The following EXOC3 variants were observed in gnomAD, a reference collection of about 807,000 sequenced individuals.
EXOC3 encodes the protein exocyst complex component 3.
In EXOC3, 21 loss-of-function variants were observed where a neutral mutation model predicts 73.7. The ratio of observed to expected loss-of-function variants is 0.29; its 90% CI spans 0.20 to 0.41. The LOEUF (loss-of-function observed/expected upper bound fraction) is 0.41, where lower values mean the gene tolerates loss of function less well. Ranked by LOEUF, EXOC3 falls within the 10% of genes least tolerant of loss-of-function variation. The probability of loss-of-function intolerance (pLI) is 1.00; values close to 1 mark genes in which losing one functional copy is unlikely to be tolerated. For synonymous variants in EXOC3, 410 were observed against 389.1 expected (o/e 1.05, Z -0.63); for missense variants, 842 against 985.1 (o/e 0.85, Z 1.95).
In EXOC3 at chr5:453,957, G is replaced by T. The variant is rs1215490796; in HGVS notation, c.952G>T (p.Ala318Ser). 1.1e-5 allele frequency: 18 copies of T among 1,614,002 alleles called. No homozygotes were observed. The highest frequency in any genetic ancestry group is 1.5e-5 in the Non-Finnish European group (18 of 1,179,884). ...GAACCTCCTGAACATGTACCACCAA[G>T]CCCTGAGCACGCGGATGCAGGACCT... ...FKNLLNMYHQ[A>S]LSTRMQDLAS... is the part of the protein sequence containing the mutation. The change falls in exon 4 of 13, where the codon GCC becomes TCC. Residue 318 changes from alanine to serine, a missense_variant. By Grantham distance (99) the Ala-to-Ser change is moderately conservative. Coordinates refer to ENST00000512944, the MANE Select transcript of EXOC3 (RefSeq NM_007277.5).
At chr5:465,392 G>A (rs1032013799) in intron 11 of EXOC3, 120 bp downstream of exon 11, 3 of 1,215,936 alleles carry the variant, frequency 2.5e-6, no homozygotes, top group African/African-American at 3.0e-5. Context: ...GGCGGGGGGA[G>A]CCTGGGTCCA....
chr5:462,338 C>T, intron 9 of EXOC3, 31 bp downstream of exon 9: 1 of 1,613,412 alleles, frequency 6.2e-7, no homozygotes, highest in Non-Finnish European at 8.5e-7. Context: ...CTGCCGTTTT[C>T]TGGGCCGAAG....
intron 7 of EXOC3, among the ~76,000 whole-genome samples, chr5:461,427 A>G (rs908373848): frequency 3.3e-5 from 5 of 152,194 alleles, no homozygotes; most frequent in African/African-American, 7.2e-5. Context: ...AGCCTGGCCA[A>G]TGTGGTGAAA....
At chr5:462,579 G>A (rs1027626181) in intron 9 of EXOC3, 2 of 452,006 alleles carry the variant, frequency 4.4e-6, no homozygotes, top group Non-Finnish European at 4.0e-6. Flanking sequence ...AATAGAAACC[G>A]ATATGTAGGG....
chr5:452,331 T>A (rs1010853595), intron 3 of EXOC3, among the ~76,000 whole-genome samples: 1 of 152,350 alleles, frequency 6.6e-6, no homozygotes, highest in South Asian at 2.1e-4. Context: ...CTTTAGTGAA[T>A]TTTTCATTTC....
chr5:450,873 A>G (rs141943303), intron 3 of EXOC3, among the ~76,000 whole-genome samples: 3,845 of 151,844 alleles, frequency 0.025, 98 homozygotes, highest in Admixed American at 0.055. Flanking sequence ...TTTATATGGA[A>G]TATCTTTTTC....
At chr5:446,081 C>A in intron 1 of EXOC3, 69 bp from the exon 2 acceptor site, 1 of 1,076,032 alleles carries the variant, frequency 9.3e-7, no homozygotes, top group Non-Finnish European at 1.4e-6. Context: ...TGTAGCTCCA[C>A]TGTGATCACC....
intron 6 of EXOC3, among the ~76,000 whole-genome samples, 178 bp from the exon 7 acceptor site, chr5:459,180 GT>G (rs35612609): frequency 0.56 from 81,707 of 147,040 alleles, 23,872 homozygotes; most frequent in African/African-American, 0.79. Flanking sequence ...TGAGAAAGTT[GT>G]TTTTTTTTTT....
At position 455,847 on chromosome 5, in the gene EXOC3, G is replaced by A. The variant is rs191415994; in HGVS notation, c.1047-1042G>A. On this transcript the variant is annotated intron_variant, in intron 4 of 12. Coordinates refer to ENST00000512944, the MANE Select transcript of EXOC3 (RefSeq NM_007277.5). The stretch of plus-strand genomic sequence containing the variant: ...TCTCAATCTCCTGACCTCATGATCC[G>A]CCCGTCTCGGCTTCCCAAAGTGCTG... Among the ~76,000 whole-genome samples, 75 of 152,098 alleles carry A rather than the reference G, an allele frequency of 4.9e-4. No individual in the cohort carries two copies. The East Asian group carries it at 0.012, about 24-fold the overall frequency.
intron 3 of EXOC3, among the ~76,000 whole-genome samples, chr5:450,859 A>AT (rs1737642221): frequency 1.3e-5 from 2 of 148,206 alleles, no homozygotes; most frequent in African/African-American, 5.0e-5. Flanking sequence ...TCTTTTGGTT[A>AT]TTATTTATAT....
At position 446,298 on chromosome 5, in the gene EXOC3, G is replaced by A. The variant is rs1219670716; in HGVS notation, c.93G>A (p.Gln31=). 2 of 1,613,766 alleles carry A rather than the reference G, an allele frequency of 1.2e-6. No homozygotes were observed. Among genetic ancestry groups the A allele is most frequent in the African/African-American group, 2.7e-5 (2 of 74,922 alleles). ...QRPDQLDKVE[Q]YRRREARKKA... Reference sequence around the variant, plus strand: ...CGGACCAGCTGGACAAGGTGGAGCAGTATCGCAGGAGAGAAGCGCGGAAGA... The same window carrying A: ...CGGACCAGCTGGACAAGGTGGAGCAATATCGCAGGAGAGAAGCGCGGAAGA... Residue 31 remains glutamine (Q), a synonymous_variant, in exon 2 of 13, where the codon CAG becomes CAA. Transcript: ENST00000512944.
chr5:454,049 A>G lies in EXOC3; in HGVS notation c.1044A>G (p.Thr348=), dbSNP rs774272368. 2 of 1,596,970 alleles carry G rather than the reference A, an allele frequency of 1.3e-6. No homozygotes were observed. The highest frequency in any genetic ancestry group is 1.1e-5 in the South Asian group (1 of 88,934). ...SLLTWVLNTY[T]STEMMRNVEL... ...TGACGTGGGTCTTAAACACCTACAC[A>G]AGGTAAAGCTAACCTGGCGCCTGTG... The change falls in exon 4 of 13, where the codon ACA becomes ACG. Residue 348 remains threonine (T), a splice_region_variant and synonymous_variant. Transcript: ENST00000512944.
chr5:457,677 G>A, intron 5 of EXOC3: 1 of 502,192 alleles, frequency 2.0e-6, no homozygotes, highest in Non-Finnish European at 3.6e-6. Flanking sequence ...CTCTTTATCT[G>A]TACCAAGGGT....
intron 6 of EXOC3, 144 bp from the exon 7 acceptor site, chr5:459,215 C>A: frequency 9.4e-6 from 3 of 318,100 alleles, no homozygotes; most frequent in Non-Finnish European, 1.1e-5. Flanking sequence ...TGTTATTTTT[C>A]ACGTGGTTTC....
intron 9 of EXOC3, among the ~76,000 whole-genome samples, chr5:463,806 T>A (rs1208777133): frequency 1.3e-5 from 2 of 152,228 alleles, no homozygotes; most frequent in Admixed American, 1.3e-4. Context: ...GTGAAAAAAA[T>A]TTAAATGTCC....
chr5:456,880 C>A lies in EXOC3; in HGVS notation c.1047-9C>A. On this transcript the variant is annotated splice_polypyrimidine_tract_variant and intron_variant, in intron 4 of 12. Transcript: ENST00000512944. ...TGGTTTGTCACTCACATTCCTGGTT[C>A]CCCCATAGTACTGAGATGATGAGGA... 1 of 1,603,694 alleles carries A rather than the reference C, an allele frequency of 6.2e-7. No homozygotes were observed. The highest frequency in any genetic ancestry group is 1.1e-5 in the South Asian group (1 of 90,790).
chr5:463,373 C>G (rs1340821231), intron 9 of EXOC3, among the ~76,000 whole-genome samples: 1 of 152,148 alleles, frequency 6.6e-6, no homozygotes, highest in East Asian at 1.9e-4. Flanking sequence ...CATGAACGGC[C>G]ACCTCACATT....
At chr5:462,357 T>C in intron 9 of EXOC3, 50 bp downstream of exon 9, 1 of 1,596,852 alleles carries the variant, frequency 6.3e-7, no homozygotes, top group Non-Finnish European at 8.6e-7. Flanking sequence ...AGCCCAGTGC[T>C]TCCTCACTGC....
At chr5:466,663 C>T in intron 12 of EXOC3, 64 bp from the exon 13 acceptor site, 1 of 1,520,154 alleles carries the variant, frequency 6.6e-7, no homozygotes, top group Non-Finnish European at 8.9e-7. Context: ...GCCGTGAGTC[C>T]CTGGCAGCGT....
Sources: allele counts gnomAD v4.1 joint callset (sites outside exome capture counted in the v4.1 genomes callset), GRCh38; gene constraint gnomAD v4.1.1; transcripts MANE v1.5; gene names NCBI Gene and HGNC (gene_info 2026-07-23, HGNC 2026-07-21).